ELAVL4: variants seen among roughly 807,000 people sequenced by gnomAD.
ELAVL4 encodes ELAV-like protein 4.
A neutral mutation model predicts 35.6 loss-of-function variants in ELAVL4; 1 was observed. That is an observed-to-expected ratio of 0.03 (90% confidence interval 0.01 to 0.13). The LOEUF (loss-of-function observed/expected upper bound fraction) is 0.13, where lower values mean the gene tolerates loss of function less well. Ranked by LOEUF, ELAVL4 falls within the 10% of genes least tolerant of loss-of-function variation. ELAVL4 has a pLI of 1.00. For synonymous variants in ELAVL4, 156 were observed against 171.0 expected (o/e 0.91, Z 0.69); for missense variants, 267 against 464.9 (o/e 0.57, Z 3.91).
intron 2 of ELAVL4, among the ~76,000 whole-genome samples, chr1:50,154,156 AG>A (rs1675311783): frequency 6.6e-6 from 1 of 152,218 alleles, no homozygotes; most frequent in Non-Finnish European, 1.5e-5. Flanking sequence ...TGAAGCTCAG[AG>A]ATGTTAAATA....
intron 2 of ELAVL4, among the ~76,000 whole-genome samples, chr1:50,168,781 G>C (rs1678432539): frequency 6.6e-6 from 1 of 151,942 alleles, no homozygotes; most frequent in Non-Finnish European, 1.5e-5. Context: ...TAGAAGTAGA[G>C]TTCTTAGCAT....
chr1:50,165,631 T>A (rs565422622), intron 2 of ELAVL4, among the ~76,000 whole-genome samples: 1 of 147,870 alleles, frequency 6.8e-6, no homozygotes, highest in East Asian at 2.0e-4. Flanking sequence ...TATGCATAAA[T>A]ATATGTATAT....
chr1:50,193,736 T>C (rs375307606), intron 3 of ELAVL4, 29 bp from the exon 4 acceptor site: 11 of 1,605,060 alleles, frequency 6.9e-6, no homozygotes, highest in African/African-American at 4.0e-5. Context: ...TTGCCTATAA[T>C]GGAATTAGCT....
chr1:50,157,539 G>A (rs1169311788), intron 2 of ELAVL4, among the ~76,000 whole-genome samples: 2 of 152,154 alleles, frequency 1.3e-5, no homozygotes, highest in African/African-American at 4.8e-5. Context: ...GTGTCTAACT[G>A]TTATTAATGC....
Position 50,147,737 on chromosome 1 carries a change from G to C in ELAVL4, c.250+2540G>C, listed in dbSNP as rs978941032. Among the ~76,000 whole-genome samples the C allele has an allele frequency of 2.0e-5, 3 of 152,086 alleles. No homozygotes were observed. The South Asian group carries it at 6.2e-4, about 32-fold the overall frequency. On this transcript the variant is annotated intron_variant, in intron 2 of 6. Coordinates refer to ENST00000371824, the MANE Select transcript of ELAVL4 (RefSeq NM_001144774.3). The stretch of plus-strand genomic sequence containing the variant: ...CCTCCTACAGATCTCAATGCATCTC[G>C]ATCCTGTGAAGTTTACAAGGAGTTC...
At chr1:50,132,437 C>A in intron 1 of ELAVL4, among the ~76,000 whole-genome samples, 1 of 152,172 alleles carries the variant, frequency 6.6e-6, no homozygotes, top group East Asian at 1.9e-4. Context: ...TCAGCAGGAG[C>A]TTTTAGAACG....
chr1:50,163,852 G>T (rs1013168230), intron 2 of ELAVL4, among the ~76,000 whole-genome samples: 2 of 151,844 alleles, frequency 1.3e-5, no homozygotes, highest in East Asian at 1.9e-4. Flanking sequence ...ACAAACAACC[G>T]CATGCTCTCT....
At chr1:50,182,621 C>A (rs1265216749) in intron 3 of ELAVL4, among the ~76,000 whole-genome samples, 1 of 152,222 alleles carries the variant, frequency 6.6e-6, no homozygotes, top group East Asian at 1.9e-4. Context: ...GAAAGTTCAT[C>A]TGTCAACGAC....
At chr1:50,056,406 T>C (rs571505027) in intron 1 of ELAVL4, among the ~76,000 whole-genome samples, 2 of 152,252 alleles carry the variant, frequency 1.3e-5, no homozygotes, top group South Asian at 4.2e-4. Flanking sequence ...CCCCTAAGAT[T>C]ATAATGGAGC....
chr1:50,092,632 G>A (rs948858719), intron 1 of ELAVL4, among the ~76,000 whole-genome samples: 9 of 152,138 alleles, frequency 5.9e-5, no homozygotes, highest in South Asian at 2.1e-4. Context: ...ATCATTAGGC[G>A]TGGGCTCCCT....
intron 2 of ELAVL4, among the ~76,000 whole-genome samples, chr1:50,151,573 T>G (rs1386660898): frequency 6.6e-6 from 1 of 152,188 alleles, no homozygotes; most frequent in Non-Finnish European, 1.5e-5. Flanking sequence ...CCCAAGATAT[T>G]GATTAGCTAA....
intron 1 of ELAVL4, among the ~76,000 whole-genome samples, chr1:50,123,391 G>A (rs1302779749): frequency 6.6e-6 from 1 of 152,042 alleles, no homozygotes; most frequent in Non-Finnish European, 1.5e-5. Context: ...GGGGAACAGT[G>A]TCATGAAGTG....
intron 1 of ELAVL4, among the ~76,000 whole-genome samples, chr1:50,076,680 T>C (rs1664780382): frequency 6.6e-6 from 1 of 151,870 alleles, no homozygotes; most frequent in Non-Finnish European, 1.5e-5. Context: ...GGGAAGTGAG[T>C]CTGGAGCCTT....
At chr1:50,185,290 C>T (rs1213587338) in intron 3 of ELAVL4, among the ~76,000 whole-genome samples, 1 of 152,212 alleles carries the variant, frequency 6.6e-6, no homozygotes, top group Non-Finnish European at 1.5e-5. Context: ...CCAGCTCTGT[C>T]AAAAACTGCT....
intron 1 of ELAVL4, among the ~76,000 whole-genome samples, chr1:50,056,659 G>A (rs1027688717): frequency 2.0e-5 from 3 of 151,998 alleles, no homozygotes; most frequent in Non-Finnish European, 2.9e-5. Flanking sequence ...TACACCGGCC[G>A]GGTGAGGTGG....
Position 50,069,264 on chromosome 1 carries a change from T to A in ELAVL4, c.18+21082T>A, listed in dbSNP as rs74988997. Among the ~76,000 whole-genome samples the A allele has an allele frequency of 8.1e-3, 1,228 of 152,332 alleles. 9 individuals are homozygous for A. Among genetic ancestry groups the A allele is most frequent in the Middle Eastern group, 0.031 (9 of 294 alleles). ...ATTCTCTGTGAGGTCTTCTGCTTAATGAAGCCCTTCTGGACCTCTCTGGCC... is the reference window on the plus strand; with the variant it reads ...ATTCTCTGTGAGGTCTTCTGCTTAAAGAAGCCCTTCTGGACCTCTCTGGCC... On this transcript the variant is annotated intron_variant, in intron 1 of 6. Transcript: ENST00000448907.
intron 6 of ELAVL4, 43 bp downstream of exon 6, chr1:50,197,510 A>G (rs368555445): frequency 3.2e-5 from 48 of 1,497,636 alleles, no homozygotes; most frequent in Non-Finnish European, 1.4e-5. Context: ...ATGTTGGCAC[A>G]GACTGGGGCT....
chr1:50,122,473 A>G (rs1444955746), intron 1 of ELAVL4, among the ~76,000 whole-genome samples: 1 of 152,128 alleles, frequency 6.6e-6, no homozygotes, highest in African/African-American at 2.4e-5. Flanking sequence ...GGGATTAGGG[A>G]ACCTTTGTAC....
intron 1 of ELAVL4, among the ~76,000 whole-genome samples, chr1:50,058,703 C>T (rs1180443401): frequency 6.6e-6 from 1 of 151,864 alleles, no homozygotes. Flanking sequence ...AGCCTCCACC[C>T]CCCAGGCTCA....
Sources: gnomAD v4.1 joint callset for allele counts (sites outside exome capture counted in the v4.1 genomes callset) on GRCh38, gnomAD v4.1.1 for gene constraint, MANE v1.5 for transcripts, NCBI Gene and HGNC (gene_info 2026-07-23, HGNC 2026-07-21) for gene names.